The following PDGFB variants were observed in gnomAD, a reference collection of about 807,000 sequenced individuals.
PDGFB encodes platelet-derived growth factor subunit B.
PDGFB carries 6 observed loss-of-function variants against 29.0 expected under a neutral mutation model. The observed-to-expected ratio is 0.21, with a 90% CI of 0.11 to 0.41. PDGFB has a LOEUF of 0.41. Ranked by LOEUF, PDGFB falls within the 10% of genes least tolerant of loss-of-function variation. The pLI is 1.00. For synonymous variants in PDGFB, 144 were observed against 140.8 expected, an observed-to-expected ratio of 1.02 and a Z score of -0.16; for missense variants, 299 against 341.8, an observed-to-expected ratio of 0.87 and a Z score of 0.99.
chr22:39,229,037 G>A (rs945640294), intron 5 of PDGFB, among the ~76,000 whole-genome samples: 5 of 151,988 alleles, frequency 3.3e-5, no homozygotes, highest in Non-Finnish European at 7.4e-5. Flanking sequence ...TCAGCTCTGG[G>A]AATAAGACAC....
chr22:39,234,585 A>G (rs1012445770), intron 2 of PDGFB, among the ~76,000 whole-genome samples: 1 of 152,236 alleles, frequency 6.6e-6, no homozygotes, highest in African/African-American at 2.4e-5. Flanking sequence ...TCTGATGACT[A>G]GTCCGCTTCC....
At chr22:39,227,343 C>A (rs1411303464) in intron 5 of PDGFB, among the ~76,000 whole-genome samples, 1 of 152,280 alleles carries the variant, frequency 6.6e-6, no homozygotes, top group Non-Finnish European at 1.5e-5. Context: ...ATCCACCTGC[C>A]TTGGCCTCCC....
chr22:39,226,281 C>T (rs1264925716), intron 5 of PDGFB, among the ~76,000 whole-genome samples: 3 of 152,164 alleles, frequency 2.0e-5, no homozygotes, highest in Non-Finnish European at 4.4e-5. Flanking sequence ...AAGAGGCAGA[C>T]GTGGTGCCGT....
At chr22:39,230,429 A>T (rs967199629) in intron 4 of PDGFB, among the ~76,000 whole-genome samples, 1 of 152,232 alleles carries the variant, frequency 6.6e-6, no homozygotes, top group Non-Finnish European at 1.5e-5. Context: ...CTTTTCCATC[A>T]AAACAAGCCC....
At chr22:39,241,666 C>T (rs1165786554) in intron 1 of PDGFB, among the ~76,000 whole-genome samples, 1 of 152,196 alleles carries the variant, frequency 6.6e-6, no homozygotes, top group Non-Finnish European at 1.5e-5. Context: ...GCGGCCTCCC[C>T]GGGGCACGCT....
chr22:39,225,942 G>C, intron 5 of PDGFB, 95 bp from the exon 6 acceptor site: 2 of 1,418,888 alleles, frequency 1.4e-6, no homozygotes, highest in Non-Finnish European at 1.9e-6. Context: ...CTGGGCTCAG[G>C]AAAGGGACAG....
chr22:39,232,529 C>T (rs138012870), intron 3 of PDGFB, among the ~76,000 whole-genome samples: 9 of 151,718 alleles, frequency 5.9e-5, no homozygotes, highest in Non-Finnish European at 1.2e-4. Context: ...CTTGCTCTGT[C>T]GCCAGGCTGG....
At chr22:39,241,215 C>T (rs567993487) in intron 1 of PDGFB, 38 of 462,836 alleles carry the variant, frequency 8.2e-5, no homozygotes, top group African/African-American at 4.4e-4. Flanking sequence ...TCAGAGGCCT[C>T]GGCAGGCCCT....
At chr22:39,225,950 C>T in intron 5 of PDGFB, 103 bp from the exon 6 acceptor site, 1 of 1,355,146 alleles carries the variant, frequency 7.4e-7, no homozygotes, top group Non-Finnish European at 1.0e-6. Context: ...AGGAAAGGGA[C>T]AGGAGGGGAA....
chr22:39,238,320 A>G (rs1932492948), intron 1 of PDGFB, among the ~76,000 whole-genome samples: 1 of 152,066 alleles, frequency 6.6e-6, no homozygotes, highest in Non-Finnish European at 1.5e-5. Context: ...CACCTGGGAT[A>G]TTCTTCCCCA....
intron 1 of PDGFB, among the ~76,000 whole-genome samples, chr22:39,238,512 C>T (rs561769962): frequency 1.3e-5 from 2 of 152,242 alleles, no homozygotes; most frequent in African/African-American, 2.4e-5. Context: ...AGAAAAACAC[C>T]GTATAAACTA....
chr22:39,239,331 G>A (rs1259359291), intron 1 of PDGFB, among the ~76,000 whole-genome samples: 1 of 152,084 alleles, frequency 6.6e-6, no homozygotes, highest in Non-Finnish European at 1.5e-5. Context: ...CTGGGCCACA[G>A]GAAATGGTAC....
chr22:39,235,748 G>A (rs1340676558), intron 2 of PDGFB, 30 bp downstream of exon 2: 2 of 1,514,476 alleles, frequency 1.3e-6, no homozygotes, highest in Non-Finnish European at 1.8e-6. Flanking sequence ...TCCTCGGAGG[G>A]CCGGAGCGCG....
chr22:39,240,827 G>A (rs1569139703), intron 1 of PDGFB: 3 of 1,612,878 alleles, frequency 1.9e-6, no homozygotes, highest in Non-Finnish European at 2.5e-6. Context: ...TGTGGGGAGG[G>A]GAAGACAAGA....
In PDGFB at chr22:39,243,760, CG is replaced by C. The variant is rs1279378982; in HGVS notation, c.63+140del. On this transcript the variant is annotated intron_variant, in intron 1 of 6. Coordinates refer to ENST00000331163, the MANE Select transcript of PDGFB (RefSeq NM_002608.4). This position sits in a 1 kb window ranked among gnomAD's most constrained non-coding sequence, Gnocchi z 6.4. ...TCACCCCCGGACCTCGCTCCCAGCC[CG>C]AAGAGGTCACCCAGCGCCCGGCGTC... The C allele has an allele frequency of 5.0e-6, 3 of 601,050 alleles. No homozygotes were observed. The highest frequency in any genetic ancestry group is 8.7e-6 in the Non-Finnish European group (3 of 344,956). 37.2% of individuals were successfully genotyped at this position (601,050 alleles called of 1,614,324 possible). A position where few individuals can be genotyped will look rare whatever the true frequency, so the allele number is the denominator to read the frequency against.
At chr22:39,228,771 T>C (rs1413837197) in intron 5 of PDGFB, among the ~76,000 whole-genome samples, 2 of 151,284 alleles carry the variant, frequency 1.3e-5, no homozygotes, top group Admixed American at 1.3e-4. Flanking sequence ...TGTCTGTAAT[T>C]CCAGCTACTC....
chr22:39,229,007 A>G lies in PDGFB; in HGVS notation c.601+1077T>C, dbSNP rs138873067. Among the ~76,000 whole-genome samples, 1,461 of 152,038 alleles carry G rather than the reference A, an allele frequency of 9.6e-3. 12 individuals carry two copies. The highest frequency in any genetic ancestry group is 0.019 in the African/African-American group (791 of 41,490). On this transcript the variant is annotated intron_variant, in intron 5 of 6. Transcript: ENST00000331163. The stretch of plus-strand genomic sequence containing the variant: ...AAGCTGTCATATGATCAGCCTTTCC[A>G]TGGCATCCAGCGACTCAGCTCAGCT...
At chr22:39,229,577 CTCA>C in intron 5 of PDGFB, among the ~76,000 whole-genome samples, 1 of 152,224 alleles carries the variant, frequency 6.6e-6, no homozygotes, top group East Asian at 1.9e-4. Context: ...GGAGCTTTCT[CTCA>C]TCCAGGCCCA....
intron 1 of PDGFB, among the ~76,000 whole-genome samples, chr22:39,237,661 G>A (rs1932478170): frequency 6.6e-6 from 1 of 152,200 alleles, no homozygotes; most frequent in Admixed American, 6.6e-5. Flanking sequence ...CCACAGAACA[G>A]AGGGCTTGGT....
Sources: gnomAD v4.1 joint callset for allele counts (sites outside exome capture counted in the v4.1 genomes callset) on GRCh38, gnomAD v4.1.1 for gene constraint, Gnocchi (gnomAD v3.1) non-coding constraint, MANE v1.5 for transcripts, NCBI Gene and HGNC (gene_info 2026-07-23, HGNC 2026-07-21) for gene names.